TENM3: variants seen among roughly 807,000 people sequenced by gnomAD.
TENM3 encodes the protein teneurin-3.
Under a neutral mutation model 255.1 loss-of-function variants are expected in TENM3, and 63 were observed. That is an observed-to-expected ratio of 0.25 (90% CI 0.20 to 0.30). The LOEUF is 0.30. Ranked by LOEUF, TENM3 falls within the 10% of genes least tolerant of loss-of-function variation. TENM3 has a pLI of 1.00. For missense variants in TENM3, 2,929 were observed against 3,461.1 expected (o/e 0.85, Z 3.86); for synonymous variants, 1,306 against 1,322.3 (o/e 0.99, Z 0.27).
chr4:181,851,144 T>C, the TENM3 span, among the ~76,000 whole-genome samples: 2 of 152,198 alleles, frequency 1.3e-5, no homozygotes, highest in Non-Finnish European at 2.9e-5. Context: ...ACCCCCTTAT[T>C]TCCTGGCTTT....
chr4:182,135,534 A>C, the TENM3 span, among the ~76,000 whole-genome samples: 2 of 152,254 alleles, frequency 1.3e-5, no homozygotes, highest in African/African-American at 4.8e-5. Flanking sequence ...AAGTGAAAGT[A>C]AAGACGAAAT....
At chr4:182,303,722 A>C (rs1761975479) in intron 1 of TENM3, among the ~76,000 whole-genome samples, 1 of 152,208 alleles carries the variant, frequency 6.6e-6, no homozygotes, top group Non-Finnish European at 1.5e-5. Flanking sequence ...AGTTTGTTGT[A>C]GAATTTCAAT....
the TENM3 span, among the ~76,000 whole-genome samples, chr4:181,815,301 A>C: frequency 1.3e-5 from 2 of 151,770 alleles, no homozygotes; most frequent in East Asian, 3.9e-4. Context: ...AAATACAAAA[A>C]AAAAAAAAAA....
At chr4:181,533,204 G>A in the TENM3 span, among the ~76,000 whole-genome samples, 6,954 of 152,166 alleles carry the variant, frequency 0.046, 430 homozygotes, top group African/African-American at 0.14. Flanking sequence ...GGAAATAAAT[G>A]TAACCCTTAT....
At chr4:181,737,305 AC>A in the TENM3 span, among the ~76,000 whole-genome samples, 2 of 152,304 alleles carry the variant, frequency 1.3e-5, no homozygotes, top group East Asian at 3.9e-4. Flanking sequence ...GCTTACTTTT[AC>A]CCCAAATCCT....
chr4:181,574,819 T>C, the TENM3 span, among the ~76,000 whole-genome samples: 1 of 152,130 alleles, frequency 6.6e-6, no homozygotes, highest in African/African-American at 2.4e-5. Context: ...AAAGTGAAAA[T>C]GTACTAAAGA....
the TENM3 span, among the ~76,000 whole-genome samples, chr4:182,135,250 A>T: frequency 6.6e-6 from 1 of 151,462 alleles, no homozygotes; most frequent in East Asian, 1.9e-4. Context: ...AATGATCCAA[A>T]GTTTTAGGCA....
intron 1 of TENM3, among the ~76,000 whole-genome samples, chr4:182,179,507 C>T (rs1269144240): frequency 6.6e-6 from 1 of 152,194 alleles, no homozygotes. Context: ...CTGTTGCATA[C>T]TTTATCACAA....
intron 2 of TENM3, among the ~76,000 whole-genome samples, chr4:182,325,369 ACC>A (rs1763324119): frequency 6.6e-6 from 1 of 152,192 alleles, no homozygotes; most frequent in African/African-American, 2.4e-5. Context: ...GTGTTCACTC[ACC>A]CAAGCCGGTT....
the TENM3 span, among the ~76,000 whole-genome samples, chr4:181,772,588 G>A: frequency 6.6e-6 from 1 of 152,058 alleles, no homozygotes; most frequent in East Asian, 1.9e-4. Flanking sequence ...CTTCATCAAG[G>A]AATACAGGAC....
chr4:181,706,946 C>G, the TENM3 span, among the ~76,000 whole-genome samples: 4 of 152,206 alleles, frequency 2.6e-5, no homozygotes, highest in African/African-American at 4.8e-5. Flanking sequence ...AGCCAGGTTG[C>G]CATCTCCCTG....
intron 3 of TENM3, among the ~76,000 whole-genome samples, chr4:182,541,972 A>C (rs867041846): frequency 2.0e-5 from 3 of 152,170 alleles, no homozygotes; most frequent in Middle Eastern, 3.4e-3. Flanking sequence ...CCAAGGTGGG[A>C]GGATCGCTTG....
At chr4:181,551,784 A>G in the TENM3 span, among the ~76,000 whole-genome samples, 3 of 148,676 alleles carry the variant, frequency 2.0e-5, no homozygotes, top group South Asian at 6.4e-4. Flanking sequence ...GTTATTTTGT[A>G]TTTTGCAAAA....
the TENM3 span, among the ~76,000 whole-genome samples, chr4:181,464,842 T>C: frequency 1.3e-5 from 2 of 152,090 alleles, no homozygotes; most frequent in Admixed American, 1.3e-4. Flanking sequence ...TCTCAGCTAC[T>C]TGGGAGGCTG....
At chr4:182,308,797 A>G (rs1762277687) in intron 1 of TENM3, among the ~76,000 whole-genome samples, 1 of 152,208 alleles carries the variant, frequency 6.6e-6, no homozygotes, top group African/African-American at 2.4e-5. Context: ...AAGGTGTGTA[A>G]CTAAACTTGA....
intron 3 of TENM3, among the ~76,000 whole-genome samples, chr4:182,401,680 T>C (rs1469760799): frequency 6.6e-6 from 1 of 152,222 alleles, no homozygotes; most frequent in Non-Finnish European, 1.5e-5. Context: ...TATTTCATAG[T>C]GTGAATTTCT....
intron 1 of TENM3, among the ~76,000 whole-genome samples, chr4:182,184,062 A>G (rs894498892): frequency 3.3e-5 from 5 of 152,238 alleles, no homozygotes; most frequent in Admixed American, 2.6e-4. Context: ...AAAGCTGACC[A>G]GCAGTTTGAT....
intron 3 of TENM3, among the ~76,000 whole-genome samples, chr4:182,570,972 A>T (rs1459766668): frequency 6.6e-6 from 1 of 152,192 alleles, no homozygotes; most frequent in Non-Finnish European, 1.5e-5. Flanking sequence ...CTAAGAACTG[A>T]CAGACTAACC....
chr4:182,341,117 CTG>C (rs1225950188), intron 2 of TENM3, among the ~76,000 whole-genome samples: 1 of 152,118 alleles, frequency 6.6e-6, no homozygotes, highest in Non-Finnish European at 1.5e-5. Flanking sequence ...ATTTTTAAAA[CTG>C]AGCTTCCCCT....
Sources: allele counts gnomAD v4.1 joint callset (sites outside exome capture counted in the v4.1 genomes callset), GRCh38; gene constraint gnomAD v4.1.1; transcripts MANE v1.5; gene names NCBI Gene and HGNC (gene_info 2026-07-23, HGNC 2026-07-21).